Variants in PARD3B observed in about 807,000 individuals in gnomAD.
PARD3B encodes the protein par-3 family cell polarity regulator beta.
PARD3B carries 103 observed loss-of-function variants against 130.2 expected under a neutral mutation model. The ratio of observed to expected loss-of-function variants is 0.79; its 90% CI spans 0.67 to 0.93. The LOEUF (loss-of-function observed/expected upper bound fraction) is 0.93, where lower values mean the gene tolerates loss of function less well. PARD3B is among the 40% of genes least tolerant of loss of function. The pLI, the probability that PARD3B is intolerant of heterozygous loss-of-function variation, is 0.00. For missense variants in PARD3B, 1,609 were observed against 1,499.2 expected (o/e 1.07, Z -1.21); for synonymous variants, 583 against 553.2 (o/e 1.05, Z -0.76).
chr2:205,032,932 G>C (rs1697530212), intron 3 of PARD3B, among the ~76,000 whole-genome samples: 2 of 152,188 alleles, frequency 1.3e-5, no homozygotes, highest in African/African-American at 4.8e-5. Context: ...TATCAAGAAG[G>C]ACTTGGTGAT....
rs1282945419 is a variant in PARD3B, at chr2:205,590,428, C to T, written c.3261-25028C>T. Reference sequence around the variant, plus strand: ...CAAAAGAGGGATCCTCTCATTTTAACATTTTCCACAGAAGTCCTAGGATCA... The same window carrying T: ...CAAAAGAGGGATCCTCTCATTTTAATATTTTCCACAGAAGTCCTAGGATCA... On this transcript the variant is annotated intron_variant, in intron 22 of 22. Transcript: ENST00000406610. The surrounding 1 kb of genome is among the most constrained non-coding windows in gnomAD (Gnocchi z 4.1). Among the ~76,000 whole-genome samples the T allele has an allele frequency of 6.6e-6, 1 of 152,204 alleles. No homozygotes were observed. The highest frequency in any genetic ancestry group is 1.9e-4 in the East Asian group (1 of 5,198).
chr2:205,170,184 C>T (rs562929574), intron 11 of PARD3B, among the ~76,000 whole-genome samples: 26 of 152,282 alleles, frequency 1.7e-4, no homozygotes, highest in Non-Finnish European at 3.2e-4. Flanking sequence ...CCCACCTCGG[C>T]CTCCCAGAGT....
At chr2:205,031,155 A>C (rs1346752683) in intron 3 of PARD3B, among the ~76,000 whole-genome samples, 1 of 152,136 alleles carries the variant, frequency 6.6e-6, no homozygotes, top group Non-Finnish European at 1.5e-5. Flanking sequence ...GAAAGGAACA[A>C]ATTAAAAGGT....
chr2:204,797,695 T>C (rs1442492512), intron 2 of PARD3B, among the ~76,000 whole-genome samples: 1 of 152,198 alleles, frequency 6.6e-6, no homozygotes, highest in Non-Finnish European at 1.5e-5. Context: ...TATAAACATA[T>C]TGAACATCAT....
chr2:204,757,876 T>A (rs2040745691), intron 2 of PARD3B, among the ~76,000 whole-genome samples: 1 of 152,020 alleles, frequency 6.6e-6, no homozygotes, highest in South Asian at 2.1e-4. Context: ...AAAGTCAGAG[T>A]TGGGCATATA....
At chr2:205,396,074 C>T (rs2046018418) in intron 18 of PARD3B, among the ~76,000 whole-genome samples, 2 of 152,312 alleles carry the variant, frequency 1.3e-5, no homozygotes, top group Middle Eastern at 3.4e-3. Flanking sequence ...CAAGCCTTCC[C>T]CACACATGTC....
chr2:204,918,318 T>G lies in PARD3B; in HGVS notation c.223-46834T>G, dbSNP rs535210357. On this transcript the variant is annotated intron_variant, in intron 2 of 22. Transcript: ENST00000406610. ...GGAGAAATTTCTTTGCTAGACTTGC[T>G]TTGAAACTTCACATTGAAAATGCTT... is the stretch of plus-strand genomic sequence containing the variant. Among the ~76,000 whole-genome samples, 6 of 152,356 alleles carry G rather than the reference T, an allele frequency of 3.9e-5. No homozygotes were observed. The South Asian group carries it at 6.2e-4, about 16-fold the overall frequency.
At chr2:205,073,278 T>C (rs1373173746) in intron 4 of PARD3B, among the ~76,000 whole-genome samples, 3 of 152,174 alleles carry the variant, frequency 2.0e-5, no homozygotes, top group Non-Finnish European at 4.4e-5. Flanking sequence ...TCAGGGTGTG[T>C]TTTAAAAATC....
At chr2:204,866,859 A>T (rs2045439633) in intron 2 of PARD3B, among the ~76,000 whole-genome samples, 1 of 152,018 alleles carries the variant, frequency 6.6e-6, no homozygotes, top group Non-Finnish European at 1.5e-5. Context: ...ACCTGAGGTC[A>T]GGAGTTTGAG....
At chr2:204,558,650 T>A (rs1172753139) in intron 1 of PARD3B, among the ~76,000 whole-genome samples, 2 of 152,170 alleles carry the variant, frequency 1.3e-5, no homozygotes, top group African/African-American at 4.8e-5. Context: ...GCCATCCCCA[T>A]CAAGCTACCA....
At chr2:205,612,131 A>G (rs975434225) in intron 22 of PARD3B, among the ~76,000 whole-genome samples, 1 of 152,198 alleles carries the variant, frequency 6.6e-6, no homozygotes, top group Non-Finnish European at 1.5e-5. Flanking sequence ...TCTGTAGTTG[A>G]TGAGGAGGGG....
At chr2:205,565,910 CAAAA>C (rs78064685) in intron 22 of PARD3B, among the ~76,000 whole-genome samples, 21 of 63,662 alleles carry the variant, frequency 3.3e-4, no homozygotes, top group African/African-American at 1.2e-3. Context: ...CTGCCCATTA[CAAAA>C]AAAAAAAAAA....
chr2:205,508,995 C>A (rs777536125), intron 21 of PARD3B, among the ~76,000 whole-genome samples: 3 of 151,068 alleles, frequency 2.0e-5, no homozygotes, highest in African/African-American at 7.3e-5. Flanking sequence ...GGCTTTGGCC[C>A]TTTTATATTT....
Position 205,610,034 on chromosome 2 carries a change from A to G in PARD3B, c.3261-5422A>G, listed in dbSNP as rs544441303. On this transcript the variant is annotated intron_variant, in intron 22 of 22. Transcript: ENST00000406610. Reference sequence around the variant, plus strand: ...TAGCAGACTCAAGTTTTCCCCTTCAATAATGTCACTCCCACTCATTTGAAT... The same window carrying G: ...TAGCAGACTCAAGTTTTCCCCTTCAGTAATGTCACTCCCACTCATTTGAAT... Among the ~76,000 whole-genome samples the G allele has an allele frequency of 5.9e-5, 9 of 152,342 alleles. 2 individuals carry two copies. The highest frequency in any genetic ancestry group is 2.2e-4 in the African/African-American group (9 of 41,576).
In PARD3B at chr2:205,021,858, C is replaced by A. The variant is rs1249703119; in HGVS notation, c.395-25723C>A. Among the ~76,000 whole-genome samples, 1 of 152,014 alleles carries A rather than the reference C, an allele frequency of 6.6e-6. No homozygotes were observed. Among genetic ancestry groups the A allele is most frequent in the Non-Finnish European group, 1.5e-5 (1 of 68,012 alleles). The stretch of plus-strand genomic sequence containing the variant: ...GCACTGGTTTTATTCCTACACTTTA[C>A]CCCCTCCATTGTAAGGGTACTAAAA... On this transcript the variant is annotated intron_variant, in intron 3 of 22. Coordinates refer to ENST00000406610, the MANE Select transcript of PARD3B (RefSeq NM_001302769.2). This position sits in a 1 kb window ranked among gnomAD's most constrained non-coding sequence, Gnocchi z 4.5.
intron 16 of PARD3B, among the ~76,000 whole-genome samples, chr2:205,247,701 A>G (rs2039629789): frequency 6.6e-6 from 1 of 152,276 alleles, no homozygotes; most frequent in Non-Finnish European, 1.5e-5. Flanking sequence ...AGAAATGCTG[A>G]AAAATAACCA....
chr2:204,564,278 A>G (rs961894586), intron 1 of PARD3B, among the ~76,000 whole-genome samples: 3 of 152,152 alleles, frequency 2.0e-5, no homozygotes, highest in Non-Finnish European at 4.4e-5. Flanking sequence ...CAGGTGCCAG[A>G]TGAGTTTCCT....
intron 2 of PARD3B, among the ~76,000 whole-genome samples, chr2:204,905,341 A>T (rs142755938): frequency 6.6e-6 from 1 of 152,246 alleles, no homozygotes; most frequent in East Asian, 1.9e-4. Context: ...GGGAGAGGAG[A>T]GGAGAACCAG....
At chr2:205,401,234 A>T in intron 19 of PARD3B, 111 bp downstream of exon 19, 1 of 804,562 alleles carries the variant, frequency 1.2e-6, no homozygotes, top group Non-Finnish European at 1.9e-6. Flanking sequence ...ATAGGGGTTG[A>T]CCGATCTGAA....
Sources: gnomAD v4.1 joint callset for allele counts (sites outside exome capture counted in the v4.1 genomes callset) on GRCh38, gnomAD v4.1.1 for gene constraint, Gnocchi (gnomAD v3.1) non-coding constraint, MANE v1.5 for transcripts, NCBI Gene and HGNC (gene_info 2026-07-23, HGNC 2026-07-21) for gene names.